The following RNF111 variants were observed in gnomAD, a reference collection of about 807,000 sequenced individuals.
RNF111 encodes ring finger protein 111.
In RNF111, 17 loss-of-function variants were observed where a neutral mutation model predicts 95.1. The ratio of observed to expected loss-of-function variants is 0.18; its 90% CI spans 0.12 to 0.27. The LOEUF is 0.27. Among genes scored for constraint, RNF111 ranks in the 10% least tolerant of loss-of-function variants. The pLI is 1.00. For missense variants in RNF111, 1,189 were observed against 1,210.4 expected (o/e 0.98, Z 0.26); for synonymous variants, 440 against 414.8 (o/e 1.06, Z -0.74).
chr15:59,004,060 C>CT (rs1193687531), intron 1 of RNF111: 1 of 594,854 alleles, frequency 1.7e-6, no homozygotes, highest in Non-Finnish European at 2.3e-6. Flanking sequence ...CTTGCCGTAG[C>CT]TGAGTTGATC....
chr15:59,075,957 G>T lies in RNF111; in HGVS notation c.1690G>T (p.Ala564Ser), dbSNP rs776085988. Residue 564 changes from alanine to serine, a missense_variant, in exon 7 of 14, where the codon GCA (alanine) becomes TCA (serine). Physicochemically the swap from Ala to Ser is moderately conservative, Grantham distance 99. Around this residue, in one of 2 missense-constraint regions of RNF111, gnomAD observed 1,024 missense variants for 925.9 expected, o/e 1.11. Transcript: ENST00000348370. ...AATATACTTCCTTTTTATCTAGCAG[G>T]CATTGCCAGTGGACCTGAGCAACAG... ...SSGTSYHEQQ[A>S]LPVDLSNSGI... 5.0e-6 allele frequency: 8 copies of T among 1,613,794 alleles called. No individual in the cohort carries two copies. The Admixed American group carries it at 8.3e-5, about 17-fold the overall frequency.
At chr15:59,029,653 A>T (rs2040809019) in intron 1 of RNF111, among the ~76,000 whole-genome samples, 1 of 152,172 alleles carries the variant, frequency 6.6e-6, no homozygotes, top group Admixed American at 6.5e-5. Context: ...CAGCTGTTGT[A>T]CTCGCTTTTT....
intron 13 of RNF111, chr15:59,093,335 ATCT>A: frequency 2.6e-5 from 10 of 384,448 alleles, no homozygotes; most frequent in Non-Finnish European, 3.9e-5. Flanking sequence ...GTTTTACAGC[ATCT>A]TTTTTTTTTT....
chr15:58,996,989 A>G (rs1447564169), intron 1 of RNF111, among the ~76,000 whole-genome samples: 5 of 152,194 alleles, frequency 3.3e-5, no homozygotes, highest in Non-Finnish European at 7.3e-5. Flanking sequence ...TATAAGTAGT[A>G]TGCTTATATT....
In RNF111 at chr15:58,992,234, G is replaced by A. The variant is rs527700505; in HGVS notation, c.-20+4166G>A. The stretch of plus-strand genomic sequence containing the variant: ...AACTTTTTGTATTTTTAGTAGAAAC[G>A]GTTTTTCACCATGTTAGCCAGGCTG... On this transcript the variant is annotated intron_variant, in intron 1 of 13. Coordinates refer to ENST00000348370, the MANE Select transcript of RNF111 (RefSeq NM_017610.8). Among the ~76,000 whole-genome samples the A allele has an allele frequency of 2.0e-5, 3 of 152,072 alleles. No individual in the cohort carries two copies. The South Asian group carries it at 6.2e-4, about 32-fold the overall frequency.
At chr15:59,060,640 A>G (rs2042393672) in intron 5 of RNF111, among the ~76,000 whole-genome samples, 1 of 152,154 alleles carries the variant, frequency 6.6e-6, no homozygotes, top group Admixed American at 6.5e-5. Flanking sequence ...GTTTTAAAAA[A>G]TAAATTATTG....
intron 5 of RNF111, among the ~76,000 whole-genome samples, chr15:59,061,109 T>C (rs1243840782): frequency 6.6e-6 from 1 of 152,170 alleles, no homozygotes; most frequent in Non-Finnish European, 1.5e-5. Context: ...TGTGTAGCAT[T>C]ATTCTTACGT....
At chr15:59,032,734 T>C (rs1028879963) in intron 2 of RNF111, among the ~76,000 whole-genome samples, 1 of 152,202 alleles carries the variant, frequency 6.6e-6, no homozygotes, top group African/African-American at 2.4e-5. Context: ...TCATGTTCTT[T>C]ATAGCTGAAA....
intron 1 of RNF111, among the ~76,000 whole-genome samples, chr15:59,001,465 G>T (rs750310749): frequency 8.1e-4 from 123 of 152,092 alleles, no homozygotes; most frequent in Non-Finnish European, 1.5e-3. Context: ...AGTTTAGTGG[G>T]GATTGGAGGG....
chr15:59,067,822 C>G (rs1308898049), intron 6 of RNF111, among the ~76,000 whole-genome samples: 1 of 152,102 alleles, frequency 6.6e-6, no homozygotes, highest in African/African-American at 2.4e-5. Context: ...CTGTAGAGTT[C>G]ACTATAACCT....
intron 6 of RNF111, among the ~76,000 whole-genome samples, chr15:59,072,093 A>T (rs757277657): frequency 5.9e-5 from 9 of 152,208 alleles, no homozygotes; most frequent in Non-Finnish European, 1.2e-4. Flanking sequence ...TACATTTTTT[A>T]AAAATGCCAG....
intron 1 of RNF111, among the ~76,000 whole-genome samples, chr15:59,026,442 G>A (rs183736878): frequency 6.6e-6 from 1 of 152,208 alleles, no homozygotes; most frequent in East Asian, 1.9e-4. Context: ...CTAGTATTAT[G>A]GTTTCAGTAT....
chr15:59,027,582 G>A (rs1408570625), intron 1 of RNF111, among the ~76,000 whole-genome samples: 1 of 151,456 alleles, frequency 6.6e-6, no homozygotes, highest in Non-Finnish European at 1.5e-5. Context: ...AGGCTGGAGT[G>A]CAATGGCGCA....
At chr15:59,077,500 T>A (rs1455192133) in intron 7 of RNF111, among the ~76,000 whole-genome samples, 6 of 152,224 alleles carry the variant, frequency 3.9e-5, no homozygotes, top group African/African-American at 1.4e-4. Context: ...TAGGTATATG[T>A]CTTACCTTTT....
At chr15:58,988,504 A>AC (rs2038668166) in intron 1 of RNF111, 1 of 152,388 alleles carries the variant, frequency 6.6e-6, no homozygotes, top group African/African-American at 2.4e-5. Context: ...TCCGCGGAAC[A>AC]GCTGAAATAC....
intron 5 of RNF111, among the ~76,000 whole-genome samples, chr15:59,061,999 G>T (rs530873886): frequency 6.0e-5 from 9 of 150,642 alleles, no homozygotes; most frequent in African/African-American, 2.2e-4. Context: ...TCACTAGTAT[G>T]CTGATGACTC....
At chr15:59,040,205 T>C (rs1360103221) in intron 2 of RNF111, among the ~76,000 whole-genome samples, 1 of 152,158 alleles carries the variant, frequency 6.6e-6, no homozygotes, top group Non-Finnish European at 1.5e-5. Context: ...AGACTTGACC[T>C]CCTGGGCTCA....
At chr15:59,020,411 T>C (rs2040280547) in intron 1 of RNF111, among the ~76,000 whole-genome samples, 3 of 152,072 alleles carry the variant, frequency 2.0e-5, no homozygotes, top group African/African-American at 7.2e-5. Context: ...CTATGACTTG[T>C]AGTGCTGCCA....
chr15:59,005,568 TAA>T (rs1289186734), intron 1 of RNF111, among the ~76,000 whole-genome samples: 5 of 152,200 alleles, frequency 3.3e-5, no homozygotes, highest in African/African-American at 1.2e-4. Context: ...CTTTGGCCTT[TAA>T]CAACTCAGTG....
Sources: gnomAD v4.1 joint callset for allele counts (sites outside exome capture counted in the v4.1 genomes callset) on GRCh38, gnomAD v4.1.1 for gene constraint, gnomAD v4.1.1 regional missense constraint, MANE v1.5 for transcripts, NCBI Gene and HGNC (gene_info 2026-07-23, HGNC 2026-07-21) for gene names.